Variants in CFAP276 observed in about 807,000 individuals in gnomAD.
The protein encoded by CFAP276 is cilia- and flagella-associated protein 276.
chr1:109,107,046 T>G, the CFAP276 span: 1 of 1,614,228 alleles, frequency 6.2e-7, no homozygotes, highest in Non-Finnish European at 8.5e-7. Context: ...TAACAGTATC[T>G]CACTTTTGTT....
At chr1:109,107,198 C>T in the CFAP276 span, 1 of 1,114,878 alleles carries the variant, frequency 9.0e-7, no homozygotes, top group South Asian at 1.3e-5. Flanking sequence ...TTGTGCTCTA[C>T]TCTTCCCCAA....
chr1:109,111,366 A>T, the CFAP276 span, among the ~76,000 whole-genome samples: 1 of 151,978 alleles, frequency 6.6e-6, no homozygotes, highest in Non-Finnish European at 1.5e-5. Flanking sequence ...GCTACTTGGG[A>T]GGCTGAGGTG....
chr1:109,107,835 G>T, the CFAP276 span: 4 of 1,100,158 alleles, frequency 3.6e-6, no homozygotes, highest in Non-Finnish European at 4.0e-6. Context: ...CCATGATCAG[G>T]CCACAGCATT....
the CFAP276 span, chr1:109,113,650 G>T: frequency 5.0e-6 from 8 of 1,613,982 alleles, no homozygotes; most frequent in Admixed American, 1.7e-5. Context: ...TCTTCCAGGC[G>T]ACGACGTCTG....
chr1:109,112,276 T>A, the CFAP276 span, among the ~76,000 whole-genome samples: 1 of 152,214 alleles, frequency 6.6e-6, no homozygotes, highest in Non-Finnish European at 1.5e-5. Context: ...CTCATTTCTC[T>A]TCAGAGAACA....
chr1:109,106,175 C>T, the CFAP276 span: 4 of 1,228,474 alleles, frequency 3.3e-6, no homozygotes, highest in East Asian at 2.3e-5. Context: ...AACATCAATA[C>T]ATTTGTAGGT....
the CFAP276 span, chr1:109,105,980 G>T: frequency 1.4e-6 from 2 of 1,446,882 alleles, no homozygotes; most frequent in Middle Eastern, 1.9e-4. Flanking sequence ...TTTAATGGAA[G>T]TGGGCCGCAG....
At chr1:109,108,212 G>A in the CFAP276 span, among the ~76,000 whole-genome samples, 5 of 151,896 alleles carry the variant, frequency 3.3e-5, no homozygotes, top group African/African-American at 7.3e-5. Context: ...GCGAGATCTC[G>A]GCTCACTGCA....
At chr1:109,111,629 A>G in the CFAP276 span, among the ~76,000 whole-genome samples, 1 of 152,096 alleles carries the variant, frequency 6.6e-6, no homozygotes, top group Non-Finnish European at 1.5e-5. Flanking sequence ...CAGCCCTTCT[A>G]GACTATTTGC....
At chr1:109,107,991 G>A in the CFAP276 span, 2 of 1,590,916 alleles carry the variant, frequency 1.3e-6, no homozygotes, top group South Asian at 2.2e-5. Context: ...CCGACTCCAG[G>A]GTTCCTGCTG....
At chr1:109,106,314 G>T in the CFAP276 span, among the ~76,000 whole-genome samples, 10 of 152,172 alleles carry the variant, frequency 6.6e-5, no homozygotes, top group African/African-American at 2.4e-4. Flanking sequence ...ACCTAAGGCT[G>T]AGCAAAGAGG....
the CFAP276 span, chr1:109,113,663 G>A: frequency 6.2e-7 from 1 of 1,614,182 alleles, no homozygotes; most frequent in East Asian, 2.2e-5. Flanking sequence ...GACGTCTGGA[G>A]GGTGATCTCT....
At chr1:109,107,876 G>C in the CFAP276 span, 1 of 1,362,972 alleles carries the variant, frequency 7.3e-7, no homozygotes, top group Non-Finnish European at 1.0e-6. Context: ...AAAAAAAAAA[G>C]CCCTAAACGG....
chr1:109,106,000 C>G, the CFAP276 span: 2 of 1,575,810 alleles, frequency 1.3e-6, no homozygotes, highest in South Asian at 1.1e-5. Flanking sequence ...GTATGTTTCA[C>G]TATAATTAGT....
the CFAP276 span, chr1:109,108,142 T>C: frequency 1.2e-6 from 1 of 856,124 alleles, no homozygotes; most frequent in Non-Finnish European, 1.9e-6. Flanking sequence ...TTTGTGTTTT[T>C]TGTTTTGTTT....
the CFAP276 span, chr1:109,113,791 C>T: frequency 8.3e-7 from 1 of 1,208,804 alleles, no homozygotes; most frequent in Non-Finnish European, 1.2e-6. Context: ...TTGGAGGATG[C>T]TTCCACTGTG....
At chr1:109,106,038 A>C in the CFAP276 span, 1 of 1,613,402 alleles carries the variant, frequency 6.2e-7, no homozygotes, top group African/African-American at 1.3e-5. Flanking sequence ...CTAGGTGGAG[A>C]AGAAGCCACC....
chr1:109,110,849 C>T, the CFAP276 span, among the ~76,000 whole-genome samples: 2 of 152,280 alleles, frequency 1.3e-5, no homozygotes, highest in South Asian at 2.1e-4. Context: ...TCTCCCCAAA[C>T]CTGCTTCCCC....
chr1:109,113,425 A>G, the CFAP276 span, among the ~76,000 whole-genome samples: 37 of 66,828 alleles, frequency 5.5e-4, no homozygotes, highest in African/African-American at 1.7e-3. Context: ...AAAGAGAGAG[A>G]GAGAGAGAGA....
Sources: gnomAD v4.1 joint callset for allele counts (sites outside exome capture counted in the v4.1 genomes callset) on GRCh38, gnomAD v4.1.1 for gene constraint, MANE v1.5 for transcripts, NCBI Gene and HGNC (gene_info 2026-07-23, HGNC 2026-07-21) for gene names.